BTBD10: variants seen among roughly 807,000 people sequenced by gnomAD.
The protein encoded by BTBD10 is BTB/POZ domain-containing protein 10.
A neutral mutation model predicts 53.2 loss-of-function variants in BTBD10; 21 were observed. The ratio of observed to expected loss-of-function variants is 0.39; its 90% CI spans 0.28 to 0.57. The LOEUF (loss-of-function observed/expected upper bound fraction) is 0.57, where lower values mean the gene tolerates loss of function less well. BTBD10 is among the 20% of genes least tolerant of loss of function. BTBD10 has a pLI of 0.53. For synonymous variants in BTBD10, 149 were observed against 192.7 expected (o/e 0.77, Z 1.88); for missense variants, 360 against 594.7 (o/e 0.61, Z 4.10).
intron 2 of BTBD10, among the ~76,000 whole-genome samples, chr11:13,442,228 T>C (rs1401803399): frequency 6.6e-6 from 1 of 151,920 alleles, no homozygotes; most frequent in Non-Finnish European, 1.5e-5. Flanking sequence ...TACACAATAT[T>C]CAAAAAAGGA....
chr11:13,449,991 T>A (rs1174426034), intron 1 of BTBD10, among the ~76,000 whole-genome samples: 2 of 152,210 alleles, frequency 1.3e-5, no homozygotes. Flanking sequence ...ACACTCTAAA[T>A]AGTGTCATTA....
intron 1 of BTBD10, among the ~76,000 whole-genome samples, chr11:13,455,756 C>T (rs1010712287): frequency 6.6e-6 from 1 of 152,190 alleles, no homozygotes; most frequent in Non-Finnish European, 1.5e-5. Context: ...TCCTAAGAAG[C>T]AACACCCTTT....
intron 8 of BTBD10, among the ~76,000 whole-genome samples, chr11:13,397,901 A>G (rs1230561515): frequency 6.6e-5 from 10 of 152,120 alleles, no homozygotes; most frequent in South Asian, 2.1e-4. Context: ...ACTGTGGTCT[A>G]AGAGACAGTT....
At chr11:13,430,265 G>A (rs1950422487) in intron 2 of BTBD10, among the ~76,000 whole-genome samples, 1 of 152,088 alleles carries the variant, frequency 6.6e-6, no homozygotes, top group Non-Finnish European at 1.5e-5. Context: ...TGAAAAATAA[G>A]TACATGAAAT....
At chr11:13,394,562 ATACTTT>A (rs976589188) in intron 8 of BTBD10, among the ~76,000 whole-genome samples, 3 of 152,100 alleles carry the variant, frequency 2.0e-5, no homozygotes, top group African/African-American at 4.8e-5. Flanking sequence ...TATTATTATT[ATACTTT>A]AAGTTTTAGG....
chr11:13,393,620 G>A (rs1260751181), intron 8 of BTBD10, among the ~76,000 whole-genome samples: 1 of 152,056 alleles, frequency 6.6e-6, no homozygotes, highest in East Asian at 1.9e-4. Flanking sequence ...AGAAAAGAGT[G>A]CTTCAGTACA....
chr11:13,430,276 G>C (rs1404210869), intron 2 of BTBD10, among the ~76,000 whole-genome samples: 1 of 152,112 alleles, frequency 6.6e-6, no homozygotes, highest in Non-Finnish European at 1.5e-5. Context: ...TACATGAAAT[G>C]ATAGCGTCAC....
In BTBD10 at chr11:13,402,918, G is replaced by A. The variant is rs1430837608; in HGVS notation, c.1117+250C>T. Among the ~76,000 whole-genome samples the A allele has an allele frequency of 2.0e-5, 3 of 152,090 alleles. No homozygotes were observed. The East Asian group carries it at 5.8e-4, about 29-fold the overall frequency. ...GTCAAAAATGAATTAGGGCAAACTA[G>A]GGCAGAAAAAGACAAATTCATATCT... On this transcript the variant is annotated intron_variant, in intron 8 of 8. Transcript: ENST00000278174.
intron 2 of BTBD10, among the ~76,000 whole-genome samples, chr11:13,444,038 A>T (rs1210118955): frequency 6.6e-6 from 1 of 152,194 alleles, no homozygotes; most frequent in African/African-American, 2.4e-5. Context: ...TGGACTTATA[A>T]ATTATTAAAA....
intron 8 of BTBD10, among the ~76,000 whole-genome samples, chr11:13,391,432 GAACTAAACTGT>G (rs144643588): frequency 0.29 from 44,674 of 151,758 alleles, 6,888 homozygotes; most frequent in East Asian, 0.57. Context: ...ATACTTAACA[GAACTAAACTGT>G]AACTAAACTG....
chr11:13,439,952 G>A, intron 2 of BTBD10: 15 of 1,534,686 alleles, frequency 9.8e-6, no homozygotes, highest in Non-Finnish European at 1.3e-5. Context: ...GAGTATAAAG[G>A]GACTCTGCTC....
chr11:13,426,243 T>C (rs1161619429), intron 2 of BTBD10, among the ~76,000 whole-genome samples: 4 of 151,856 alleles, frequency 2.6e-5, no homozygotes, highest in Non-Finnish European at 5.9e-5. Context: ...AGTAAAAACA[T>C]CTTTCAAAAA....
At chr11:13,450,782 GC>G (rs1361901321) in intron 1 of BTBD10, among the ~76,000 whole-genome samples, 2 of 152,130 alleles carry the variant, frequency 1.3e-5, no homozygotes, top group African/African-American at 2.4e-5. Context: ...CGCAAACACA[GC>G]CAGGTGAAGT....
At chr11:13,407,729 TTTAA>T (rs1949861804) in intron 6 of BTBD10, among the ~76,000 whole-genome samples, 1 of 152,168 alleles carries the variant, frequency 6.6e-6, no homozygotes, top group Non-Finnish European at 1.5e-5. Flanking sequence ...TCCCCTCCCC[TTTAA>T]TTAGACTGGT....
chr11:13,394,890 G>C (rs1949500933), intron 8 of BTBD10, among the ~76,000 whole-genome samples: 1 of 151,750 alleles, frequency 6.6e-6, no homozygotes, highest in Non-Finnish European at 1.5e-5. Context: ...TTTTATGGCT[G>C]CATAGTATTC....
intron 6 of BTBD10, among the ~76,000 whole-genome samples, chr11:13,412,341 T>C (rs1486026008): frequency 6.6e-6 from 1 of 151,986 alleles, no homozygotes; most frequent in Non-Finnish European, 1.5e-5. Context: ...TAACCCCAGC[T>C]ACTGGGGAGG....
At chr11:13,419,001 T>C (rs1037213793) in intron 4 of BTBD10, among the ~76,000 whole-genome samples, 2 of 145,582 alleles carry the variant, frequency 1.4e-5, no homozygotes, top group Non-Finnish European at 3.0e-5. Flanking sequence ...TAAAAGTATC[T>C]ACATCGAACT....
chr11:13,418,971 C>CTTTT (rs11423580), intron 4 of BTBD10, among the ~76,000 whole-genome samples: 82 of 125,410 alleles, frequency 6.5e-4, no homozygotes, highest in Non-Finnish European at 8.1e-4. Context: ...GTTGACATTC[C>CTTTT]TTTTTTTTTT....
chr11:13,417,763 G>A (rs909118045), intron 4 of BTBD10, among the ~76,000 whole-genome samples: 1 of 152,106 alleles, frequency 6.6e-6, no homozygotes, highest in African/African-American at 2.4e-5. Flanking sequence ...AACTATAAAT[G>A]TAACAAATCC....
Sources: gnomAD v4.1 joint callset for allele counts (sites outside exome capture counted in the v4.1 genomes callset) on GRCh38, gnomAD v4.1.1 for gene constraint, MANE v1.5 for transcripts, NCBI Gene and HGNC (gene_info 2026-07-23, HGNC 2026-07-21) for gene names.